DSC1: variants seen among roughly 807,000 people sequenced by gnomAD.
DSC1 encodes desmocollin 1.
Under a neutral mutation model 98.8 loss-of-function variants are expected in DSC1, and 79 were observed. The observed-to-expected ratio is 0.80, with a 90% confidence interval of 0.67 to 0.96. The LOEUF (loss-of-function observed/expected upper bound fraction) is 0.96, where lower values mean the gene tolerates loss of function less well. Among genes scored for constraint, DSC1 ranks in the 50% least tolerant of loss-of-function variants. DSC1 has a pLI of 0.00. For synonymous variants in DSC1, 405 were observed against 372.1 expected (o/e 1.09, Z -1.02); for missense variants, 1,115 against 1,075.9 (o/e 1.04, Z -0.51).
chr18:31,143,715 G>T lies in DSC1; in HGVS notation c.1016C>A (p.Thr339Lys), dbSNP rs1358927614. ...TTCATCCTCAAGTGAAATAGTAATT[G>T]TTCCTGTATTAAATAAACCGAAAGG... ...GQPFGLFNTGTITISLEDEND... is the reference protein window; with the variant it reads ...GQPFGLFNTGKITISLEDEND... The change falls in exon 8 of 16, where the codon ACA (threonine) becomes AAA (lysine). Residue 339 changes from threonine (T) to lysine (K), a missense_variant. Thr to Lys is a moderately conservative substitution (Grantham distance 78, BLOSUM62 -1). Coordinates refer to ENST00000257198, the MANE Select transcript of DSC1 (RefSeq NM_024421.2). 5.6e-6 allele frequency: 9 copies of T among 1,600,122 alleles called. No homozygotes were observed. The highest frequency in any genetic ancestry group is 5.1e-5 in the Admixed American group (3 of 58,776).
chr18:31,159,047 GTT>G (rs560889140), intron 2 of DSC1, among the ~76,000 whole-genome samples: 1 of 71,094 alleles, frequency 1.4e-5, no homozygotes, highest in South Asian at 4.3e-4. Context: ...CTACTATGTG[GTT>G]TTTTTTTTTT....
At chr18:31,131,190 A>C (rs975618293) in intron 15 of DSC1, among the ~76,000 whole-genome samples, 2 of 152,230 alleles carry the variant, frequency 1.3e-5, no homozygotes, top group African/African-American at 4.8e-5. Flanking sequence ...TCAACAATTT[A>C]TCTGGTTGAT....
chr18:31,159,047 G>GTTTTTTTTTTTTTTT lies in DSC1; in HGVS notation c.148+383_148+397dup, dbSNP rs560889140. 8.7e-3 allele frequency among the ~76,000 whole-genome samples: 615 copies of GTTTTTTTTTTTTTTT among 70,944 alleles called. 126 individuals carry two copies. Among genetic ancestry groups the GTTTTTTTTTTTTTTT allele is most frequent in the African/African-American group, 0.015 (260 of 17,148 alleles). The allele number at this position is 70,944 out of a possible 152,430, so 46.5% of individuals were successfully genotyped here. A position where few individuals can be genotyped will look rare whatever the true frequency, so the allele number is the denominator to read the frequency against. On this transcript the variant is annotated intron_variant, in intron 2 of 15. Transcript: ENST00000257198. ...TTTAACTTCAAGTAGCTACTATGTG[G>GTTTTTTTTTTTTTTT]TTTTTTTTTTTTTTTTTGAGACAGA...
chr18:31,151,671 GCTGTCAT>G (rs1022603326), intron 5 of DSC1, among the ~76,000 whole-genome samples: 2 of 152,118 alleles, frequency 1.3e-5, no homozygotes, highest in Admixed American at 1.3e-4. Flanking sequence ...TGCTGAAATT[GCTGTCAT>G]CTTTGGAAAA....
At chr18:31,135,905 T>C (rs1988599794) in intron 11 of DSC1, among the ~76,000 whole-genome samples, 2 of 152,176 alleles carry the variant, frequency 1.3e-5, no homozygotes, top group African/African-American at 2.4e-5. Flanking sequence ...TAAAGACTAC[T>C]ATAACTCCCA....
At chr18:31,151,750 G>T (rs1490382711) in intron 5 of DSC1, among the ~76,000 whole-genome samples, 3 of 152,204 alleles carry the variant, frequency 2.0e-5, no homozygotes, top group Non-Finnish European at 4.4e-5. Context: ...CAGGCATTCA[G>T]TAGATGGGGC....
At chr18:31,131,562 T>C (rs745368809) in intron 15 of DSC1, 32 bp downstream of exon 15, 7 of 1,606,942 alleles carry the variant, frequency 4.4e-6, no homozygotes, top group Non-Finnish European at 6.0e-6. Flanking sequence ...TTAACTTCCA[T>C]GTAATATGAC....
intron 5 of DSC1, among the ~76,000 whole-genome samples, chr18:31,152,172 CA>C (rs201748337): frequency 6.7e-6 from 1 of 149,494 alleles, no homozygotes; most frequent in Non-Finnish European, 1.5e-5. Flanking sequence ...AAAAAAACAA[CA>C]AAAAAAAACA....
chr18:31,150,885 T>C (rs2144951568), intron 5 of DSC1: 1 of 152,310 alleles, frequency 6.6e-6, no homozygotes, highest in African/African-American at 2.4e-5. Context: ...CTGCCTTACC[T>C]TGGGTAAGTC....
At chr18:31,150,124 CTCCACCATT>C (rs1402023789) in intron 5 of DSC1, among the ~76,000 whole-genome samples, 2 of 142,694 alleles carry the variant, frequency 1.4e-5, no homozygotes, top group East Asian at 4.7e-4. Context: ...TCACCACCAT[CTCCACCATT>C]ATCACCATTA....
intron 6 of DSC1, 85 bp from the exon 7 acceptor site, chr18:31,145,862 C>G: frequency 7.1e-7 from 1 of 1,406,224 alleles, no homozygotes; most frequent in Non-Finnish European, 9.7e-7. Flanking sequence ...ATTGCTGTAG[C>G]AAATTCTCCC....
intron 5 of DSC1, among the ~76,000 whole-genome samples, chr18:31,154,218 A>T (rs1989051228): frequency 6.6e-6 from 1 of 152,028 alleles, no homozygotes; most frequent in Admixed American, 6.6e-5. Context: ...TGGGTTACTA[A>T]GGAAGTAAAA....
At position 31,133,950 on chromosome 18, in the gene DSC1, T is replaced by G. The variant is rs1405917392; in HGVS notation, c.2057A>C (p.Asn686Thr). ...KDKSTRDVRP[N>T]VILGRWAILA... ...AATAGCCCATCTTCCAAGTATTACA[T>G]TTGGTCTAACGTCTCTTGTACTTTT... The change falls in exon 13 of 16, where the codon AAT becomes ACT. Residue 686 changes from asparagine (N) to threonine (T), a missense_variant. Transcript: ENST00000257198. 2 of 1,613,228 alleles carry G rather than the reference T, an allele frequency of 1.2e-6. No individual in the cohort carries two copies. Among genetic ancestry groups the G allele is most frequent in the Admixed American group, 3.3e-5 (2 of 59,934 alleles).
At chr18:31,133,351 C>T (rs777696169) in intron 13 of DSC1, among the ~76,000 whole-genome samples, 29 of 152,120 alleles carry the variant, frequency 1.9e-4, no homozygotes, top group Admixed American at 2.6e-4. Context: ...TTGCACAATG[C>T]AAAATCTTAG....
chr18:31,135,681 A>T (rs1988595853), intron 11 of DSC1, among the ~76,000 whole-genome samples: 1 of 152,180 alleles, frequency 6.6e-6, no homozygotes, highest in South Asian at 2.1e-4. Context: ...CTTCACACAT[A>T]GTATTTTTAG....
At chr18:31,161,858 G>T (rs1370450) in intron 1 of DSC1, among the ~76,000 whole-genome samples, 1 of 151,890 alleles carries the variant, frequency 6.6e-6, no homozygotes, top group African/African-American at 2.4e-5. Context: ...TGAAACTCAA[G>T]TATTTTGCTA....
At chr18:31,138,661 C>T (rs1988663701) in intron 11 of DSC1, among the ~76,000 whole-genome samples, 1 of 151,248 alleles carries the variant, frequency 6.6e-6, no homozygotes, top group African/African-American at 2.4e-5. Context: ...TGAACATTTT[C>T]ACTACTACCA....
chr18:31,140,441 C>A, intron 9 of DSC1, 140 bp from the exon 10 acceptor site: 2 of 841,312 alleles, frequency 2.4e-6, no homozygotes, highest in South Asian at 3.1e-5. Flanking sequence ...TAAAGACCAA[C>A]AATTAGCTTC....
chr18:31,148,453 T>A, intron 6 of DSC1, 45 bp downstream of exon 6: 1 of 1,512,912 alleles, frequency 6.6e-7, no homozygotes, highest in Non-Finnish European at 8.9e-7. Flanking sequence ...ACTTACGAAA[T>A]GTCAAATAGT....
Sources: gnomAD v4.1 joint callset for allele counts (sites outside exome capture counted in the v4.1 genomes callset) on GRCh38, gnomAD v4.1.1 for gene constraint, MANE v1.5 for transcripts, NCBI Gene and HGNC (gene_info 2026-07-23, HGNC 2026-07-21) for gene names.